The following PLXDC2 variants were observed in gnomAD, a reference collection of about 807,000 sequenced individuals.
PLXDC2 encodes the protein plexin domain-containing protein 2.
PLXDC2 carries 40 observed loss-of-function variants against 68.9 expected under a neutral mutation model. The observed-to-expected ratio is 0.58, with a 90% CI of 0.45 to 0.76. The LOEUF is 0.76. Ranked by LOEUF, PLXDC2 falls within the 30% of genes least tolerant of loss-of-function variation. PLXDC2 has a pLI of 0.00. For synonymous variants in PLXDC2, 243 were observed against 234.2 expected, an observed-to-expected ratio of 1.04 and a Z score of -0.34; for missense variants, 644 against 661.9, an observed-to-expected ratio of 0.97 and a Z score of 0.30.
At chr10:19,960,896 A>G (rs184804868) in intron 1 of PLXDC2, among the ~76,000 whole-genome samples, 231 of 152,360 alleles carry the variant, frequency 1.5e-3, no homozygotes, top group Non-Finnish European at 2.6e-3. Context: ...CTGGAAACTA[A>G]GAATATAAAA....
chr10:20,074,392 C>A (rs1836398664), intron 4 of PLXDC2, among the ~76,000 whole-genome samples: 1 of 152,084 alleles, frequency 6.6e-6, no homozygotes, highest in Non-Finnish European at 1.5e-5. Context: ...AATCTCCCTT[C>A]TTCCTTTGTC....
intron 13 of PLXDC2, among the ~76,000 whole-genome samples, chr10:20,262,838 A>AT (rs1297797331): frequency 6.6e-6 from 1 of 152,172 alleles, no homozygotes; most frequent in African/African-American, 2.4e-5. Context: ...GCCCATTCCC[A>AT]TATCTCCTCA....
chr10:20,206,883 C>A (rs1211232446), intron 9 of PLXDC2, among the ~76,000 whole-genome samples: 1 of 151,056 alleles, frequency 6.6e-6, no homozygotes, highest in Non-Finnish European at 1.5e-5. Flanking sequence ...CAGACACACA[C>A]ACACACAGCA....
intron 7 of PLXDC2, among the ~76,000 whole-genome samples, chr10:20,172,975 G>C (rs1170218667): frequency 6.6e-6 from 1 of 152,182 alleles, no homozygotes; most frequent in East Asian, 1.9e-4. Context: ...TCTGGCAAAT[G>C]CATTTTTTAT....
In PLXDC2 at chr10:19,866,109, A is replaced by C. The variant is rs148806041; in HGVS notation, c.112+48918A>C. ...TTTCTTGGCTCTTTAGAATGATTGA[A>C]AACAAAGGAAATTAGATGTATTTTT... On this transcript the variant is annotated intron_variant, in intron 1 of 13. Transcript: ENST00000377252. Among the ~76,000 whole-genome samples the C allele has an allele frequency of 4.1e-3, 620 of 152,336 alleles. 4 individuals are homozygous for C. Among genetic ancestry groups the C allele is most frequent in the Non-Finnish European group, 6.9e-3 (468 of 68,040 alleles).
intron 2 of PLXDC2, among the ~76,000 whole-genome samples, chr10:20,022,836 G>A (rs1446544693): frequency 6.6e-6 from 1 of 151,972 alleles, no homozygotes; most frequent in African/African-American, 2.4e-5. Flanking sequence ...TGAAAATCTT[G>A]CAACTTTCCT....
intron 9 of PLXDC2, among the ~76,000 whole-genome samples, chr10:20,189,965 C>T (rs2131838073): frequency 6.6e-6 from 1 of 151,796 alleles, no homozygotes; most frequent in Middle Eastern, 3.4e-3. Context: ...ATAACTAAGT[C>T]CCACCTGAAA....
chr10:20,138,327 A>G (rs1833959706), intron 4 of PLXDC2, among the ~76,000 whole-genome samples: 1 of 152,150 alleles, frequency 6.6e-6, no homozygotes, highest in South Asian at 2.1e-4. Flanking sequence ...TAACTTGTTT[A>G]TGGGGATTGT....
intron 1 of PLXDC2, among the ~76,000 whole-genome samples, chr10:19,966,458 T>TATAAAAAATATAA (rs1834265402): frequency 2.9e-4 from 1 of 3,438 alleles, no homozygotes. Context: ...CATGTGTGTA[T>TATAAAAAATATAA]ATGTACACAC....
intron 6 of PLXDC2, among the ~76,000 whole-genome samples, chr10:20,162,051 A>G (rs1834300555): frequency 3.1e-5 from 2 of 65,214 alleles, no homozygotes; most frequent in South Asian, 1.1e-3. Context: ...AAAGAGAGAG[A>G]GAGAGAGAGA....
At chr10:19,948,405 T>C (rs1833939570) in intron 1 of PLXDC2, among the ~76,000 whole-genome samples, 1 of 139,652 alleles carries the variant, frequency 7.2e-6, no homozygotes, top group African/African-American at 2.7e-5. Context: ...TTTTTTTTTT[T>C]TGGTATAATG....
intron 13 of PLXDC2, among the ~76,000 whole-genome samples, chr10:20,260,680 G>C (rs1835798869): frequency 6.6e-6 from 1 of 152,120 alleles, no homozygotes; most frequent in Non-Finnish European, 1.5e-5. Flanking sequence ...CCTCTATGTG[G>C]TGTTGACTTC....
At chr10:19,965,721 G>C (rs560364443) in intron 1 of PLXDC2, among the ~76,000 whole-genome samples, 42 of 142,450 alleles carry the variant, frequency 2.9e-4, no homozygotes, top group East Asian at 6.7e-4. Flanking sequence ...TTTTTTTTGG[G>C]GGGGGGGGTT....
At chr10:20,021,200 G>GTTTGTTTGTTTTT (rs1564659360) in intron 2 of PLXDC2, among the ~76,000 whole-genome samples, 1 of 96,404 alleles carries the variant, frequency 1.0e-5, no homozygotes, top group East Asian at 5.1e-4. Flanking sequence ...TGTTTTTTTT[G>GTTTGTTTGTTTTT]TTTGTTTGTT....
intron 1 of PLXDC2, among the ~76,000 whole-genome samples, chr10:19,831,590 C>T (rs1485407587): frequency 6.6e-6 from 1 of 152,174 alleles, no homozygotes; most frequent in Non-Finnish European, 1.5e-5. Flanking sequence ...TCCTCCCACT[C>T]TCCGCCCTCA....
At chr10:19,854,419 A>G (rs1837177098) in intron 1 of PLXDC2, among the ~76,000 whole-genome samples, 1 of 152,180 alleles carries the variant, frequency 6.6e-6, no homozygotes, top group Non-Finnish European at 1.5e-5. Flanking sequence ...CAGGGGCCAT[A>G]TGGCAATGGC....
At chr10:19,904,699 A>C (rs1484882307) in intron 1 of PLXDC2, among the ~76,000 whole-genome samples, 1 of 152,142 alleles carries the variant, frequency 6.6e-6, no homozygotes, top group East Asian at 1.9e-4. Context: ...CTTAGAGCAA[A>C]AGTTCATGAT....
intron 1 of PLXDC2, among the ~76,000 whole-genome samples, chr10:19,893,927 T>C (rs1838010184): frequency 6.6e-6 from 1 of 152,172 alleles, no homozygotes; most frequent in African/African-American, 2.4e-5. Context: ...ACTTCACCAG[T>C]TAGGGGGTCA....
rs1019015040 is a variant in PLXDC2 at position 20,284,166 on chromosome 10, T to C, written c.*4347T>C. The C allele has an allele frequency of 3.3e-5, 5 of 151,962 alleles. No homozygotes were observed. Among genetic ancestry groups the C allele is most frequent in the Non-Finnish European group, 4.4e-5 (3 of 68,002 alleles). The allele number at this position is 151,962 out of a possible 1,614,324, so 9.4% of individuals were successfully genotyped here. Reference sequence around the variant, plus strand: ...TTCTTCCTCCTGTGAAATGTTCTTTTGGTTTGTATTTCTTTAGGTATTTTC... The same window carrying C: ...TTCTTCCTCCTGTGAAATGTTCTTTCGGTTTGTATTTCTTTAGGTATTTTC... On this transcript the variant is annotated 3_prime_UTR_variant, in exon 14 of 14. Coordinates refer to ENST00000377252, the MANE Select transcript of PLXDC2 (RefSeq NM_032812.9).
Sources: allele counts gnomAD v4.1 joint callset (sites outside exome capture counted in the v4.1 genomes callset), GRCh38; gene constraint gnomAD v4.1.1; transcripts MANE v1.5; gene names NCBI Gene and HGNC (gene_info 2026-07-23, HGNC 2026-07-21).